CCDC171: variants seen among roughly 807,000 people sequenced by gnomAD.
CCDC171 encodes the protein coiled-coil domain-containing protein 171.
In CCDC171, 177 loss-of-function variants were observed where a neutral mutation model predicts 168.2. That is an observed-to-expected ratio of 1.05 (90% CI 0.93 to 1.19). The LOEUF (loss-of-function observed/expected upper bound fraction) is 1.19. CCDC171 is among the 50% of genes most tolerant of loss of function. CCDC171 has a pLI of 0.00. For missense variants in CCDC171, 1,991 were observed against 1,539.0 expected (o/e 1.29, Z -4.91); for synonymous variants, 687 against 540.8 (o/e 1.27, Z -3.75).
intron 24 of CCDC171, among the ~76,000 whole-genome samples, chr9:15,877,445 CTTT>C (rs1817999034): frequency 6.6e-6 from 1 of 151,556 alleles, no homozygotes; most frequent in Non-Finnish European, 1.5e-5. Context: ...TTTTCTGTAT[CTTT>C]CCATTTAGTT....
intron 6 of CCDC171, among the ~76,000 whole-genome samples, chr9:15,598,267 C>T (rs998074211): frequency 1.3e-5 from 2 of 152,004 alleles, no homozygotes; most frequent in Non-Finnish European, 2.9e-5. Flanking sequence ...ATCTTTCCTG[C>T]TTTCTCTTGT....
At chr9:16,073,582 G>A in the CCDC171 span, among the ~76,000 whole-genome samples, 9 of 152,260 alleles carry the variant, frequency 5.9e-5, no homozygotes, top group South Asian at 1.9e-3. Context: ...GAAGTGCCAA[G>A]AATATAAACC....
At chr9:15,597,333 T>G (rs2131577312) in intron 6 of CCDC171, among the ~76,000 whole-genome samples, 1 of 152,260 alleles carries the variant, frequency 6.6e-6, no homozygotes, top group African/African-American at 2.4e-5. Context: ...AATAGCTAAT[T>G]TATTGAGAGT....
chr9:16,071,233 T>C, the CCDC171 span, among the ~76,000 whole-genome samples: 1 of 152,206 alleles, frequency 6.6e-6, no homozygotes, highest in African/African-American at 2.4e-5. Flanking sequence ...TCTTCAGTCA[T>C]GCTGCTAACC....
chr9:15,920,496 T>C, intron 25 of CCDC171, 74 bp downstream of exon 25: 2 of 1,069,892 alleles, frequency 1.9e-6, no homozygotes, highest in Non-Finnish European at 2.7e-6. Flanking sequence ...TTTTTAATGT[T>C]CATAAGATCA....
chr9:16,099,550 T>C, the CCDC171 span, among the ~76,000 whole-genome samples: 1 of 152,174 alleles, frequency 6.6e-6, no homozygotes. Flanking sequence ...ATAAGAAAAA[T>C]GCCATGAGCT....
At chr9:16,038,536 A>G (rs1268214798), upstream of CCDC171, among the ~76,000 whole-genome samples, 3 of 152,160 alleles carry the variant, frequency 2.0e-5, no homozygotes, top group Non-Finnish European at 4.4e-5. Context: ...CATCTAAAAC[A>G]TCTGTATGTA....
intron 7 of CCDC171, among the ~76,000 whole-genome samples, chr9:15,650,560 C>T: frequency 6.6e-6 from 1 of 152,142 alleles, no homozygotes; most frequent in East Asian, 1.9e-4. Context: ...AAGTCCTGTA[C>T]TCATATTTTG....
intron 1 of CCDC171, among the ~76,000 whole-genome samples, chr9:16,043,490 C>T (rs528771922): frequency 2.6e-5 from 4 of 152,258 alleles, no homozygotes; most frequent in South Asian, 2.1e-4. Flanking sequence ...AAGCAGATTT[C>T]GTAAAACCAT....
chr9:15,658,422 C>T (rs747704186), intron 8 of CCDC171, among the ~76,000 whole-genome samples: 12 of 152,114 alleles, frequency 7.9e-5, no homozygotes, highest in South Asian at 4.1e-4. Context: ...ATCAAGACAA[C>T]GACTGTAGCA....
chr9:15,692,984 A>G (rs190701950), intron 10 of CCDC171, among the ~76,000 whole-genome samples: 58 of 152,112 alleles, frequency 3.8e-4, no homozygotes, highest in African/African-American at 1.3e-3. Context: ...TAGAAATACA[A>G]AAATTAGTCG....
chr9:16,067,664 T>G, the CCDC171 span, among the ~76,000 whole-genome samples: 6 of 152,332 alleles, frequency 3.9e-5, no homozygotes, highest in African/African-American at 1.2e-4. Flanking sequence ...GGGATCCAGT[T>G]TCAGCTTTCT....
At chr9:16,098,025 G>A in the CCDC171 span, among the ~76,000 whole-genome samples, 6 of 152,172 alleles carry the variant, frequency 3.9e-5, no homozygotes, top group Non-Finnish European at 5.9e-5. Context: ...GAGCTAGTCC[G>A]AGCTTTAAAG....
chr9:15,845,551 T>C (rs796116117), intron 21 of CCDC171: 7 of 152,150 alleles, frequency 4.6e-5, no homozygotes, highest in African/African-American at 1.7e-4. Context: ...TTCTTTTTTT[T>C]ATACTACCCA....
At chr9:16,020,247 T>C (rs1274546285) in intron 3 of CCDC171, among the ~76,000 whole-genome samples, 4 of 152,242 alleles carry the variant, frequency 2.6e-5, no homozygotes, top group African/African-American at 9.6e-5. Flanking sequence ...GTATAATGTA[T>C]GTATGCAACA....
intron 10 of CCDC171, among the ~76,000 whole-genome samples, chr9:15,679,640 C>T (rs1178960717): frequency 6.6e-6 from 1 of 152,152 alleles, no homozygotes; most frequent in African/African-American, 2.4e-5. Context: ...ATCTGCAGCT[C>T]CTGGGCTCAA....
chr9:15,646,914 A>G (rs978123571), intron 7 of CCDC171, among the ~76,000 whole-genome samples: 1 of 152,380 alleles, frequency 6.6e-6, no homozygotes, highest in South Asian at 2.1e-4. Flanking sequence ...ATAGACATCT[A>G]CAGAACTCTC....
chr9:15,764,735 T>C (rs1255041625), intron 18 of CCDC171, among the ~76,000 whole-genome samples: 3 of 152,228 alleles, frequency 2.0e-5, no homozygotes, highest in Admixed American at 6.5e-5. Context: ...GCTCTCAGTA[T>C]AAGTGTTATT....
chr9:16,104,829 A>G, the CCDC171 span, among the ~76,000 whole-genome samples: 1 of 151,982 alleles, frequency 6.6e-6, no homozygotes, highest in Non-Finnish European at 1.5e-5. Flanking sequence ...CCAAATATAG[A>G]TGTGGGCCTT....
Sources: allele counts gnomAD v4.1 joint callset (sites outside exome capture counted in the v4.1 genomes callset), GRCh38; gene constraint gnomAD v4.1.1; transcripts MANE v1.5; gene names NCBI Gene and HGNC (gene_info 2026-07-23, HGNC 2026-07-21).